PCDH15: variants seen among roughly 807,000 people sequenced by gnomAD.
The protein encoded by PCDH15 is protocadherin-15.
PCDH15 carries 129 observed loss-of-function variants against 178.5 expected under a neutral mutation model. The ratio of observed to expected loss-of-function variants is 0.72; its 90% CI spans 0.63 to 0.84. The LOEUF (loss-of-function observed/expected upper bound fraction) is 0.84. PCDH15 is among the 40% of genes least tolerant of loss of function. The pLI, the probability that PCDH15 is intolerant of heterozygous loss-of-function variation, is 0.00. For synonymous variants in PCDH15, 800 were observed against 732.0 expected (o/e 1.09, Z -1.50); for missense variants, 2,230 against 2,099.9 (o/e 1.06, Z -1.21).
intron 1 of PCDH15, among the ~76,000 whole-genome samples, chr10:54,797,264 T>G (rs1952130181): frequency 1.3e-5 from 2 of 151,980 alleles, no homozygotes; most frequent in African/African-American, 4.8e-5. Flanking sequence ...AGGAACACAA[T>G]AAACAAGCTT....
intron 3 of PCDH15, among the ~76,000 whole-genome samples, chr10:54,464,115 C>G (rs987897190): frequency 6.6e-6 from 1 of 152,108 alleles, no homozygotes; most frequent in Non-Finnish European, 1.5e-5. Context: ...CTCTGTTGCA[C>G]TGGAATCAGT....
At chr10:54,869,189 A>T (rs1953991861) in intron 3 of PCDH15, 1 of 152,210 alleles carries the variant, frequency 6.6e-6, no homozygotes, top group Non-Finnish European at 1.5e-5. Context: ...ACAGAGACAC[A>T]GGGGAATGCC....
At chr10:54,719,039 G>T (rs929160606) in intron 1 of PCDH15, among the ~76,000 whole-genome samples, 1 of 151,358 alleles carries the variant, frequency 6.6e-6, no homozygotes, top group Non-Finnish European at 1.5e-5. Flanking sequence ...TGAAATCTTT[G>T]AAATACCCCA....
intron 10 of PCDH15, among the ~76,000 whole-genome samples, chr10:54,212,191 A>G (rs1449015448): frequency 6.6e-6 from 1 of 152,186 alleles, no homozygotes; most frequent in Non-Finnish European, 1.5e-5. Flanking sequence ...AGAGTCAGGT[A>G]GATCCACAAT....
At chr10:54,169,527 TTAAC>T (rs767952519) in intron 13 of PCDH15, among the ~76,000 whole-genome samples, 2 of 146,122 alleles carry the variant, frequency 1.4e-5, no homozygotes, top group African/African-American at 2.5e-5. Flanking sequence ...CTGTGACACT[TTAAC>T]TAAATTATCT....
chr10:55,539,443 T>C lies in PCDH15; in HGVS notation c.-156+88182A>G, dbSNP rs540831059. The stretch of plus-strand genomic sequence containing the variant: ...TCATATTTTAGTTCAAAATATATTT[T>C]ATATTGATAAAATATTTTAAAACCT... On this transcript the variant is annotated intron_variant, in intron 2 of 5. Coordinates refer to the PCDH15 transcript ENST00000613346. Among the ~76,000 whole-genome samples the C allele has an allele frequency of 6.6e-5, 10 of 152,172 alleles. No homozygotes were observed. The South Asian group carries it at 1.5e-3, about 22-fold the overall frequency.
chr10:55,111,883 T>C (rs574991330), intron 2 of PCDH15, among the ~76,000 whole-genome samples: 2 of 152,234 alleles, frequency 1.3e-5, no homozygotes, highest in South Asian at 4.1e-4. Flanking sequence ...AAAAAAGTTC[T>C]TTTTCAAATT....
chr10:54,387,001 G>A (rs1819729), intron 3 of PCDH15, among the ~76,000 whole-genome samples: 129,811 of 151,830 alleles, frequency 0.85, 55,717 homozygotes, highest in East Asian at 0.99. Context: ...GATTTTAAGT[G>A]TTGTCTGTAC....
rs1380380803 is a variant in PCDH15, at chr10:54,414,490, T to C, written c.158-35548A>G. On this transcript the variant is annotated intron_variant, in intron 3 of 37. Coordinates refer to ENST00000644397, the MANE Select transcript of PCDH15 (RefSeq NM_001384140.1). ...TTGGGCTACAGAACAGAAGTAGGTA[T>C]ACAAATATGGAAGAATATATTACAT... Among the ~76,000 whole-genome samples, 8 of 152,084 alleles carry C rather than the reference T, an allele frequency of 5.3e-5. No individual in the cohort carries two copies. The East Asian group carries it at 7.7e-4, about 15-fold the overall frequency.
At chr10:54,427,677 TAAATC>T (rs1291564202) in intron 3 of PCDH15, among the ~76,000 whole-genome samples, 2 of 152,186 alleles carry the variant, frequency 1.3e-5, no homozygotes, top group Non-Finnish European at 2.9e-5. Flanking sequence ...TCTCTGTACA[TAAATC>T]TATTTAATTT....
intron 3 of PCDH15, among the ~76,000 whole-genome samples, chr10:54,409,643 A>G (rs149958817): frequency 4.6e-4 from 70 of 152,242 alleles, no homozygotes; most frequent in Admixed American, 9.2e-4. Flanking sequence ...TCTTAGCAAA[A>G]CCATCTTCTC....
intron 21 of PCDH15, among the ~76,000 whole-genome samples, chr10:53,965,353 C>G (rs981562239): frequency 1.3e-5 from 2 of 152,170 alleles, no homozygotes; most frequent in East Asian, 3.9e-4. Context: ...CCACCGCGCC[C>G]AGCCCTACTA....
chr10:55,541,554 T>C (rs931617641), intron 2 of PCDH15, among the ~76,000 whole-genome samples: 6 of 151,966 alleles, frequency 3.9e-5, no homozygotes, highest in Non-Finnish European at 8.8e-5. Context: ...TTTAGATTTT[T>C]ATTTAATTTA....
At chr10:55,044,420 C>A (rs145286926) in intron 2 of PCDH15, among the ~76,000 whole-genome samples, 1 of 152,244 alleles carries the variant, frequency 6.6e-6, no homozygotes, top group African/African-American at 2.4e-5. Context: ...GTTTTCAACA[C>A]TGTGACTCCA....
At chr10:55,583,599 A>C (rs1223901821) in intron 2 of PCDH15, among the ~76,000 whole-genome samples, 1 of 151,894 alleles carries the variant, frequency 6.6e-6, no homozygotes, top group African/African-American at 2.4e-5. Context: ...ATGCCCAGCT[A>C]ATTTTTGTAT....
intron 20 of PCDH15, among the ~76,000 whole-genome samples, chr10:54,007,757 T>C (rs7069577): frequency 0.56 from 85,754 of 151,972 alleles, 25,446 homozygotes; most frequent in South Asian, 0.7. Flanking sequence ...TCATCTTTTA[T>C]TTTTTCCTCT....
At chr10:54,796,922 A>T (rs916495277) in intron 1 of PCDH15, among the ~76,000 whole-genome samples, 1 of 152,050 alleles carries the variant, frequency 6.6e-6, no homozygotes, top group African/African-American at 2.4e-5. Context: ...CAAAAAGAAA[A>T]GTCACTGTCC....
chr10:54,722,879 T>C (rs1436643834), intron 1 of PCDH15, among the ~76,000 whole-genome samples: 1 of 151,710 alleles, frequency 6.6e-6, no homozygotes, highest in African/African-American at 2.4e-5. Context: ...CAAACACTGA[T>C]GAAAGAAATT....
At chr10:54,922,027 C>A (rs1434057017) in intron 2 of PCDH15, among the ~76,000 whole-genome samples, 1 of 152,130 alleles carries the variant, frequency 6.6e-6, no homozygotes, top group African/African-American at 2.4e-5. Context: ...AAATCCTAAC[C>A]CATGATTCAA....
Sources: gnomAD v4.1 joint callset for allele counts (sites outside exome capture counted in the v4.1 genomes callset) on GRCh38, gnomAD v4.1.1 for gene constraint, MANE v1.5 for transcripts, NCBI Gene and HGNC (gene_info 2026-07-23, HGNC 2026-07-21) for gene names.